DENND2B: variants seen among roughly 807,000 people sequenced by gnomAD.
DENND2B encodes DENN domain-containing protein 2B.
Under a neutral mutation model 116.0 loss-of-function variants are expected in DENND2B, and 32 were observed. The observed-to-expected ratio is 0.28, with a 90% CI of 0.21 to 0.37. DENND2B has a LOEUF of 0.37. Among genes scored for constraint, DENND2B ranks in the 10% least tolerant of loss-of-function variants. The probability of loss-of-function intolerance (pLI) is 1.00; values close to 1 mark genes in which losing one functional copy is unlikely to be tolerated. For synonymous variants in DENND2B, 588 were observed against 583.9 expected (o/e 1.01, Z -0.10); for missense variants, 1,276 against 1,477.7 (o/e 0.86, Z 2.24).
At chr11:8,819,721 G>A (rs2134540240) in intron 4 of DENND2B, among the ~76,000 whole-genome samples, 1 of 152,300 alleles carries the variant, frequency 6.6e-6, no homozygotes, top group East Asian at 1.9e-4. Context: ...CTCCTGAAAA[G>A]GGCCAGGGTC....
Position 8,693,867 on chromosome 11 carries a change from A to C in DENND2B, c.*229T>G, listed in dbSNP as rs1183256960. 1 of 498,352 alleles carries C rather than the reference A, an allele frequency of 2.0e-6. No individual in the cohort carries two copies. The highest frequency in any genetic ancestry group is 3.5e-6 in the Non-Finnish European group (1 of 282,354). The allele number at this position is 498,352 out of a possible 1,614,324, so 30.9% of individuals were successfully genotyped here. A position where few individuals can be genotyped will look rare whatever the true frequency, so the allele number is the denominator to read the frequency against. Reference sequence around the variant, plus strand: ...AGCACCCGGCCCCTTGGGAATATACAAATATTTGCCATATTCTCTTTGCTT... The same window carrying C: ...AGCACCCGGCCCCTTGGGAATATACCAATATTTGCCATATTCTCTTTGCTT... On this transcript the variant is annotated 3_prime_UTR_variant, in exon 20 of 20. Coordinates refer to ENST00000313726, the MANE Select transcript of DENND2B (RefSeq NM_213618.2).
intron 1 of DENND2B, among the ~76,000 whole-genome samples, chr11:8,768,191 G>A (rs1479893939): frequency 6.6e-6 from 1 of 152,070 alleles, no homozygotes. Context: ...GTATGGCCCA[G>A]TTAGGTAATA....
chr11:8,829,125 T>C (rs1049589367), intron 4 of DENND2B, among the ~76,000 whole-genome samples: 1 of 149,734 alleles, frequency 6.7e-6, no homozygotes, highest in Admixed American at 6.7e-5. Context: ...TTTGTGCATG[T>C]GGTGTGTGTG....
At chr11:8,740,195 T>TAA (rs536161637) in intron 2 of DENND2B, among the ~76,000 whole-genome samples, 7 of 106,778 alleles carry the variant, frequency 6.6e-5, no homozygotes, top group South Asian at 2.9e-4. Context: ...TCTCAAAAAT[T>TAA]AAAAAAAAAA....
At chr11:8,887,157 T>A (rs1048662086) in intron 1 of DENND2B, among the ~76,000 whole-genome samples, 3 of 152,236 alleles carry the variant, frequency 2.0e-5, no homozygotes, top group African/African-American at 7.2e-5. Flanking sequence ...CAATAAATTT[T>A]CATTTTGCAG....
rs1296393292 is a variant in DENND2B, at chr11:8,718,371, G to A, written c.1478-479C>T. Reference sequence around the variant, plus strand: ...CCTGGGGACCTACTTTGGAGGGTGGGCATGGAGGAACTCACAGAACCGTAG... The same window carrying A: ...CCTGGGGACCTACTTTGGAGGGTGGACATGGAGGAACTCACAGAACCGTAG... On this transcript the variant is annotated intron_variant, in intron 4 of 19. Transcript: ENST00000313726. 2.6e-6 allele frequency: 4 copies of A among 1,535,332 alleles called. No homozygotes were observed. In the South Asian group the frequency reaches 3.6e-5, roughly 14 times the overall value.
intron 2 of DENND2B, among the ~76,000 whole-genome samples, chr11:8,867,614 T>C (rs1198748925): frequency 1.5e-5 from 2 of 130,946 alleles, no homozygotes; most frequent in African/African-American, 5.4e-5. Context: ...GGTCTCACTC[T>C]GTCACTCAGG....
intron 2 of DENND2B, among the ~76,000 whole-genome samples, chr11:8,749,620 G>A (rs756605607): frequency 6.6e-6 from 1 of 152,154 alleles, no homozygotes; most frequent in Non-Finnish European, 1.5e-5. Flanking sequence ...CTCCAGTTCT[G>A]AATGAACCAA....
At chr11:8,704,803 T>G (rs2042314427) in intron 13 of DENND2B, among the ~76,000 whole-genome samples, 1 of 152,178 alleles carries the variant, frequency 6.6e-6, no homozygotes, top group Non-Finnish European at 1.5e-5. Context: ...GTTCAAGAGA[T>G]TCTCCTGCCT....
upstream of DENND2B, among the ~76,000 whole-genome samples, chr11:8,872,108 C>T (rs1178984946): frequency 2.0e-5 from 3 of 152,168 alleles, no homozygotes; most frequent in Non-Finnish European, 4.4e-5. Flanking sequence ...AGGACATGTT[C>T]CAAAATCCAA....
At chr11:8,783,455 T>C (rs962675163) in intron 1 of DENND2B, among the ~76,000 whole-genome samples, 6 of 152,204 alleles carry the variant, frequency 3.9e-5, no homozygotes, top group Admixed American at 2.6e-4. Context: ...ATCCAAGTAA[T>C]ATTAGTCAGA....
chr11:8,762,283 A>C (rs1179037341), intron 1 of DENND2B, among the ~76,000 whole-genome samples: 3 of 152,164 alleles, frequency 2.0e-5, no homozygotes, highest in African/African-American at 7.2e-5. Flanking sequence ...ACACTGTCCG[A>C]TACCATGTGC....
chr11:8,852,660 A>G (rs990566827), intron 3 of DENND2B, among the ~76,000 whole-genome samples: 2 of 152,212 alleles, frequency 1.3e-5, no homozygotes, highest in Admixed American at 6.5e-5. Context: ...CCATTAAGCT[A>G]TACATTTAAA....
chr11:8,862,322 C>CTTT (rs557309893), intron 2 of DENND2B, among the ~76,000 whole-genome samples: 20 of 64,880 alleles, frequency 3.1e-4, no homozygotes, highest in African/African-American at 8.5e-4. Context: ...CTTTTTCACT[C>CTTT]TTTTTTTTTT....
intron 3 of DENND2B, among the ~76,000 whole-genome samples, chr11:8,727,108 C>T (rs954327152): frequency 6.6e-6 from 1 of 152,200 alleles, no homozygotes; most frequent in Admixed American, 6.5e-5. Flanking sequence ...GAGACCCCAA[C>T]TGTACCCTCT....
At chr11:8,798,710 C>A (rs990500823) in intron 1 of DENND2B, among the ~76,000 whole-genome samples, 1 of 152,050 alleles carries the variant, frequency 6.6e-6, no homozygotes, top group South Asian at 2.1e-4. Flanking sequence ...GGAAAAAAAA[C>A]CCACCTGGGT....
intron 1 of DENND2B, among the ~76,000 whole-genome samples, chr11:8,771,449 G>C (rs1373120139): frequency 6.7e-6 from 1 of 150,152 alleles, no homozygotes. Context: ...ATATATCTAT[G>C]TATTCCATAT....
chr11:8,862,772 C>G (rs569018204), intron 2 of DENND2B, among the ~76,000 whole-genome samples: 1 of 152,270 alleles, frequency 6.6e-6, no homozygotes, highest in East Asian at 1.9e-4. Context: ...ACCAGGACCA[C>G]AGCTCTTGAT....
intron 1 of DENND2B, among the ~76,000 whole-genome samples, chr11:8,887,794 C>A (rs1336386615): frequency 6.6e-6 from 1 of 152,142 alleles, no homozygotes; most frequent in Non-Finnish European, 1.5e-5. Context: ...GCTATAATAT[C>A]CTTTAGCCAA....
Sources: allele counts gnomAD v4.1 joint callset (sites outside exome capture counted in the v4.1 genomes callset), GRCh38; gene constraint gnomAD v4.1.1; transcripts MANE v1.5; gene names NCBI Gene and HGNC (gene_info 2026-07-23, HGNC 2026-07-21).